ZNF385D: variants seen among roughly 807,000 people sequenced by gnomAD.
ZNF385D encodes zinc finger protein 659.
In ZNF385D, 15 loss-of-function variants were observed where a neutral mutation model predicts 35.8. That is an observed-to-expected ratio of 0.42 (90% CI 0.28 to 0.64). The LOEUF is 0.64. ZNF385D is among the 30% of genes least tolerant of loss of function. ZNF385D has a pLI of 0.23. For synonymous variants in ZNF385D, 212 were observed against 186.8 expected, an observed-to-expected ratio of 1.13 and a Z score of -1.10; for missense variants, 474 against 494.6, an observed-to-expected ratio of 0.96 and a Z score of 0.39.
At chr3:21,719,867 C>T (rs572699160) in intron 1 of ZNF385D, among the ~76,000 whole-genome samples, 10 of 152,262 alleles carry the variant, frequency 6.6e-5, no homozygotes, top group East Asian at 1.9e-4. Flanking sequence ...ACTAAGAAGA[C>T]AAGAACCCAG....
At chr3:21,848,445 T>C (rs1696156470) in intron 3 of ZNF385D, among the ~76,000 whole-genome samples, 1 of 151,412 alleles carries the variant, frequency 6.6e-6, no homozygotes, top group African/African-American at 2.4e-5. Flanking sequence ...AAACAACAAA[T>C]ATATAAATAA....
intron 3 of ZNF385D, among the ~76,000 whole-genome samples, chr3:22,152,432 C>T (rs1009788485): frequency 6.6e-6 from 1 of 152,110 alleles, no homozygotes; most frequent in Admixed American, 6.6e-5. Flanking sequence ...TCATACAGTT[C>T]TGAGGTCAGA....
intron 3 of ZNF385D, among the ~76,000 whole-genome samples, chr3:22,014,455 T>G (rs1179427442): frequency 6.6e-6 from 1 of 152,052 alleles, no homozygotes; most frequent in African/African-American, 2.4e-5. Context: ...GAAACCAATC[T>G]CATTTGTAAC....
Position 22,142,062 on chromosome 3 carries a change from C to G in ZNF385D, c.325+26755G>C, listed in dbSNP as rs752222168. Among the ~76,000 whole-genome samples the G allele has an allele frequency of 7.5e-4, 114 of 152,104 alleles. 2 individuals are homozygous for G. Among genetic ancestry groups the G allele is most frequent in the Admixed American group, 3.3e-4 (5 of 15,270 alleles). On this transcript the variant is annotated intron_variant, in intron 3 of 5. Transcript: ENST00000494108. The stretch of plus-strand genomic sequence containing the variant: ...GACAGTTTATTGTGAGTAACTGAAA[C>G]ATGAGAAGAAGACTGTAATTCTCAG...
intron 2 of ZNF385D, among the ~76,000 whole-genome samples, chr3:22,180,327 C>G (rs534382788): frequency 2.2e-4 from 34 of 152,278 alleles, no homozygotes; most frequent in Non-Finnish European, 4.3e-4. Flanking sequence ...CAGGACAAGA[C>G]GGATTCACAG....
At chr3:21,587,661 G>T (rs534763998) in intron 2 of ZNF385D, among the ~76,000 whole-genome samples, 1 of 152,174 alleles carries the variant, frequency 6.6e-6, no homozygotes, top group African/African-American at 2.4e-5. Context: ...AATGTGTTCA[G>T]TGTTGAGGTT....
intron 3 of ZNF385D, among the ~76,000 whole-genome samples, chr3:21,782,496 C>A (rs944875801): frequency 6.6e-6 from 1 of 152,070 alleles, no homozygotes; most frequent in South Asian, 2.1e-4. Flanking sequence ...AGAATTTGAT[C>A]ATTTTAATTG....
intron 3 of ZNF385D, among the ~76,000 whole-genome samples, chr3:22,006,220 G>T (rs1317923177): frequency 6.6e-6 from 1 of 152,074 alleles, no homozygotes; most frequent in African/African-American, 2.4e-5. Flanking sequence ...GAAGAGGAGG[G>T]AAAGGAACTT....
intron 3 of ZNF385D, among the ~76,000 whole-genome samples, chr3:22,005,514 A>G (rs1169122168): frequency 6.6e-6 from 1 of 152,142 alleles, no homozygotes; most frequent in African/African-American, 2.4e-5. Context: ...TTCAACACAA[A>G]TAAATGTTAG....
chr3:21,896,702 C>T (rs1699156244), intron 3 of ZNF385D, among the ~76,000 whole-genome samples: 2 of 152,096 alleles, frequency 1.3e-5, no homozygotes, highest in East Asian at 3.9e-4. Flanking sequence ...ATGAGAGACG[C>T]AGTAGTTCCT....
chr3:22,329,286 A>T (rs1037333993), intron 2 of ZNF385D, among the ~76,000 whole-genome samples: 5 of 152,058 alleles, frequency 3.3e-5, no homozygotes, highest in African/African-American at 1.2e-4. Flanking sequence ...CTTGAGTAAC[A>T]ATTTGGTTTG....
intron 3 of ZNF385D, among the ~76,000 whole-genome samples, chr3:22,032,764 T>C (rs1483903501): frequency 1.3e-5 from 2 of 152,176 alleles, no homozygotes; most frequent in African/African-American, 4.8e-5. Context: ...CGATTAATAA[T>C]ACTAATGCTT....
intron 5 of ZNF385D, among the ~76,000 whole-genome samples, chr3:21,436,147 GTA>G (rs1701539998): frequency 6.6e-6 from 1 of 151,828 alleles, no homozygotes; most frequent in Admixed American, 6.6e-5. Context: ...GAGACTGTGT[GTA>G]TGTGTGTGTG....
chr3:21,890,306 G>A (rs1698783394), intron 3 of ZNF385D, among the ~76,000 whole-genome samples: 1 of 152,116 alleles, frequency 6.6e-6, no homozygotes, highest in Non-Finnish European at 1.5e-5. Context: ...AAGAATGATG[G>A]TAGACTCAGG....
At chr3:21,782,819 A>C (rs564894073) in intron 3 of ZNF385D, among the ~76,000 whole-genome samples, 2 of 152,242 alleles carry the variant, frequency 1.3e-5, no homozygotes, top group South Asian at 2.1e-4. Flanking sequence ...AAATAATAAA[A>C]ATGTAGGTCA....
At chr3:21,681,698 G>GAAAAAAAAAAAAAA (rs5847124) in intron 1 of ZNF385D, among the ~76,000 whole-genome samples, 2 of 133,196 alleles carry the variant, frequency 1.5e-5, no homozygotes, top group Non-Finnish European at 3.2e-5. Context: ...AAAAAAAAAC[G>GAAAAAAAAAAAAAA]AAAAAAAAAA....
intron 3 of ZNF385D, among the ~76,000 whole-genome samples, chr3:21,540,450 G>T (rs1027605308): frequency 1.3e-5 from 2 of 152,190 alleles, no homozygotes; most frequent in African/African-American, 4.8e-5. Context: ...CAACGGAACA[G>T]AACTTCTACC....
chr3:21,835,040 G>T (rs1695242053), intron 3 of ZNF385D, among the ~76,000 whole-genome samples: 2 of 152,160 alleles, frequency 1.3e-5, no homozygotes, highest in East Asian at 3.9e-4. Flanking sequence ...CCTAGCAAGT[G>T]CTAGGAACAG....
chr3:21,798,158 G>A (rs972097554), intron 3 of ZNF385D, among the ~76,000 whole-genome samples: 4 of 152,124 alleles, frequency 2.6e-5, no homozygotes, highest in Non-Finnish European at 5.9e-5. Context: ...CTCTGTACCT[G>A]CCTTTTAATT....
Sources: allele counts gnomAD v4.1 joint callset (sites outside exome capture counted in the v4.1 genomes callset), GRCh38; gene constraint gnomAD v4.1.1; transcripts MANE v1.5; gene names NCBI Gene and HGNC (gene_info 2026-07-23, HGNC 2026-07-21).